TOP1MT: variants seen among roughly 807,000 people sequenced by gnomAD.
TOP1MT encodes DNA topoisomerase I mitochondrial.
TOP1MT carries 80 observed loss-of-function variants against 73.9 expected under a neutral mutation model. The ratio of observed to expected loss-of-function variants is 1.08; its 90% CI spans 0.90 to 1.30. TOP1MT has a LOEUF of 1.30. Among genes scored for constraint, TOP1MT ranks in the 50% most tolerant of loss-of-function variants. The pLI, the probability that TOP1MT is intolerant of heterozygous loss-of-function variation, is 0.00. For synonymous variants in TOP1MT, 338 were observed against 326.4 expected, an observed-to-expected ratio of 1.04 and a Z score of -0.38; for missense variants, 815 against 808.0, an observed-to-expected ratio of 1.01 and a Z score of -0.10.
chr8:143,330,742 AG>A (rs1192758805), intron 2 of TOP1MT, among the ~76,000 whole-genome samples: 1 of 152,104 alleles, frequency 6.6e-6, no homozygotes, highest in Non-Finnish European at 1.5e-5. Context: ...CAAGGGCAGG[AG>A]GGGTGTGTGG....
intron 1 of TOP1MT, among the ~76,000 whole-genome samples, chr8:143,353,426 A>G (rs1029877064): frequency 6.6e-5 from 10 of 151,932 alleles, no homozygotes; most frequent in Non-Finnish European, 7.4e-5. Context: ...TTTAAAAAAA[A>G]AAAAAAAGGT....
intron 8 of TOP1MT, among the ~76,000 whole-genome samples, chr8:143,320,345 T>C (rs1181375345): frequency 6.6e-6 from 1 of 152,086 alleles, no homozygotes; most frequent in East Asian, 2.0e-4. Context: ...TTAGCCAGGA[T>C]GGTCTCGATC....
intron 2 of TOP1MT, among the ~76,000 whole-genome samples, chr8:143,342,314 G>A (rs1285324389): frequency 7.6e-6 from 1 of 132,418 alleles, no homozygotes; most frequent in Non-Finnish European, 1.5e-5. Flanking sequence ...ATTATTATTA[G>A]AGACAGAGTC....
chr8:143,328,841 GCA>G (rs988210919), intron 3 of TOP1MT, among the ~76,000 whole-genome samples: 1 of 152,202 alleles, frequency 6.6e-6, no homozygotes, highest in Non-Finnish European at 1.5e-5. Flanking sequence ...ACCCCGGAGG[GCA>G]CAGAATCCGC....
chr8:143,357,811 C>T (rs1483267961), upstream of TOP1MT, among the ~76,000 whole-genome samples: 1 of 151,828 alleles, frequency 6.6e-6, no homozygotes, highest in Non-Finnish European at 1.5e-5. Flanking sequence ...GTCTCAGCTA[C>T]TCAGGAGGCT....
intron 8 of TOP1MT, among the ~76,000 whole-genome samples, chr8:143,319,494 C>T (rs1290223683): frequency 1.3e-5 from 2 of 152,142 alleles, no homozygotes; most frequent in East Asian, 1.9e-4. Context: ...GCAGGGAGTT[C>T]GTGCGTGGAT....
intron 2 of TOP1MT, among the ~76,000 whole-genome samples, chr8:143,342,359 GCT>G (rs1245716501): frequency 7.3e-6 from 1 of 136,828 alleles, no homozygotes; most frequent in Non-Finnish European, 1.5e-5. Context: ...ACAGAGTCTC[GCT>G]CTGTTATTAT....
rs540896197 is a variant in TOP1MT at position 143,323,809 on chromosome 8, A to C, written c.960+190T>G. ...CCACACGCACAAGTGCACACACACC[A>C]CACAATGCACATGCACACCCTACAC... On this transcript the variant is annotated intron_variant, in intron 7 of 13. Transcript: ENST00000329245. Among the ~76,000 whole-genome samples, 181 of 151,854 alleles carry C rather than the reference A, an allele frequency of 1.2e-3. 1 individual carries two copies. The highest frequency in any genetic ancestry group is 4.1e-3 in the African/African-American group (171 of 41,388).
chr8:143,358,260 G>T (rs1230442148), upstream of TOP1MT, among the ~76,000 whole-genome samples: 2 of 152,064 alleles, frequency 1.3e-5, no homozygotes, highest in Non-Finnish European at 2.9e-5. Context: ...TTTAATCAAA[G>T]AAATACGCTC....
chr8:143,339,491 C>A (rs1233851802), upstream of TOP1MT, among the ~76,000 whole-genome samples: 1 of 152,160 alleles, frequency 6.6e-6, no homozygotes, highest in Non-Finnish European at 1.5e-5. Context: ...ATGGACATAG[C>A]AGTACCTACT....
intron 1 of TOP1MT, among the ~76,000 whole-genome samples, chr8:143,355,798 G>A (rs1022788804): frequency 4.6e-5 from 7 of 152,102 alleles, no homozygotes; most frequent in African/African-American, 1.4e-4. Flanking sequence ...CTCCGCTCAA[G>A]CGGAAACAAA....
At chr8:143,312,678 T>C (rs1586747251) in intron 12 of TOP1MT, among the ~76,000 whole-genome samples, 3 of 152,220 alleles carry the variant, frequency 2.0e-5, no homozygotes, top group Non-Finnish European at 4.4e-5. Context: ...CCCACTCATG[T>C]CCAGTGTACT....
intron 12 of TOP1MT, among the ~76,000 whole-genome samples, chr8:143,315,065 A>G (rs937186370): frequency 6.6e-6 from 1 of 152,096 alleles, no homozygotes; most frequent in African/African-American, 2.4e-5. Flanking sequence ...CATCAGTGTC[A>G]AGGAAAAACA....
intron 1 of TOP1MT, among the ~76,000 whole-genome samples, chr8:143,352,197 C>A (rs1817330848): frequency 1.3e-5 from 2 of 152,236 alleles, no homozygotes; most frequent in South Asian, 2.1e-4. Flanking sequence ...CTAAAATTCA[C>A]AAGGAAACAC....
upstream of TOP1MT, chr8:143,359,806 A>G (rs1178974388): frequency 3.3e-5 from 5 of 152,418 alleles, no homozygotes; most frequent in Non-Finnish European, 2.9e-5. Flanking sequence ...ACCCACAGGA[A>G]GAGGGCCACT....
chr8:143,321,997 C>T (rs1463182985), intron 7 of TOP1MT, among the ~76,000 whole-genome samples: 4 of 121,522 alleles, frequency 3.3e-5, no homozygotes, highest in Admixed American at 1.7e-4. Flanking sequence ...CACACATGCA[C>T]GCCACACACA....
chr8:143,321,455 ACACGCACGCCAC>A, intron 7 of TOP1MT, 69 bp from the exon 8 acceptor site: 1 of 770,988 alleles, frequency 1.3e-6, no homozygotes, highest in East Asian at 8.6e-5. Context: ...CACGCCACAC[ACACGCACGCCAC>A]ACACGCACGC....
rs1817179936 is a variant in TOP1MT, at chr8:143,344,160, C to A, written c.-39+756G>T. On this transcript the variant is annotated intron_variant, in intron 1 of 5. Transcript: ENST00000518007. This position sits in a 1 kb window ranked among gnomAD's most constrained non-coding sequence, Gnocchi z 4.6. The stretch of plus-strand genomic sequence containing the variant: ...TCTAGGCCCTCAAGGATGGGGCCCT[C>A]AAAGATGACACCAAGGTCTGTGCTT... 1 of 152,204 alleles carries A rather than the reference C, an allele frequency of 6.6e-6. No individual in the cohort carries two copies. The highest frequency in any genetic ancestry group is 2.4e-5 in the African/African-American group (1 of 41,446). 9.4% of individuals were successfully genotyped at this position (152,204 alleles called of 1,614,324 possible). A position where few individuals can be genotyped will look rare whatever the true frequency, so the allele number is the denominator to read the frequency against.
In TOP1MT at chr8:143,334,619, CG is replaced by C; in HGVS notation, c.122+120del. 4 of 1,437,828 alleles carry C rather than the reference CG, an allele frequency of 2.8e-6. No homozygotes were observed. In the South Asian group the frequency reaches 5.1e-5, roughly 18 times the overall value. The allele number at this position is 1,437,828 out of a possible 1,614,324, so 89.1% of individuals were successfully genotyped here. On this transcript the variant is annotated intron_variant, in intron 1 of 13. Transcript: ENST00000329245. ...CCGCGGCACGCATGCTCTCCTGGCC[CG>C]ACTTTTGGGAAAACCGGAAGCAGGG... is the stretch of plus-strand genomic sequence containing the variant.
Sources: gnomAD v4.1 joint callset for allele counts (sites outside exome capture counted in the v4.1 genomes callset) on GRCh38, gnomAD v4.1.1 for gene constraint, Gnocchi (gnomAD v3.1) non-coding constraint, MANE v1.5 for transcripts, NCBI Gene and HGNC (gene_info 2026-07-23, HGNC 2026-07-21) for gene names.